Variants in C10orf143 observed in about 807,000 individuals in gnomAD.
C10orf143 encodes the protein chromosome 10 open reading frame 143.
intron 3 of C10orf143, among the ~76,000 whole-genome samples, chr10:130,043,889 G>C (rs79915415): frequency 0.058 from 8,775 of 152,292 alleles, 620 homozygotes; most frequent in East Asian, 0.22. Context: ...AGCTCGTCAT[G>C]ATGGGAGGCT....
intron 3 of C10orf143, among the ~76,000 whole-genome samples, chr10:130,052,237 G>A (rs1002073459): frequency 1.3e-5 from 2 of 151,882 alleles, no homozygotes; most frequent in African/African-American, 2.4e-5. Flanking sequence ...ACGGGAGCCC[G>A]ATGGGGGTCA....
intron 1 of C10orf143, among the ~76,000 whole-genome samples, chr10:130,099,898 C>T (rs1171735): frequency 0.58 from 85,294 of 147,842 alleles, 26,035 homozygotes; most frequent in Admixed American, 0.7. Context: ...AGTGCAGTGA[C>T]GTGATCTTGG....
downstream of C10orf143, among the ~76,000 whole-genome samples, chr10:130,062,885 G>A (rs1860871563): frequency 6.6e-6 from 1 of 152,160 alleles, no homozygotes; most frequent in Non-Finnish European, 1.5e-5. Context: ...CCGAAGGCCT[G>A]CTTTGGGGTG....
chr10:130,084,754 G>A (rs1245951610), intron 1 of C10orf143, among the ~76,000 whole-genome samples: 1 of 152,098 alleles, frequency 6.6e-6, no homozygotes, highest in Admixed American at 6.5e-5. Context: ...CTAGAAATTG[G>A]TTTCGAAATA....
intron 1 of C10orf143, among the ~76,000 whole-genome samples, chr10:130,100,157 A>G (rs2134805323): frequency 6.6e-6 from 1 of 151,920 alleles, no homozygotes; most frequent in Non-Finnish European, 1.5e-5. Flanking sequence ...TTAAACTCTG[A>G]CCCAAACTGT....
Position 130,064,134 on chromosome 10 carries a change from G to C in C10orf143, c.*220C>G. The C allele has an allele frequency of 2.6e-6, 1 of 381,488 alleles. No individual in the cohort carries two copies. Among genetic ancestry groups the C allele is most frequent in the Non-Finnish European group, 4.6e-6 (1 of 216,214 alleles). 23.6% of individuals were successfully genotyped at this position (381,488 alleles called of 1,614,324 possible). Reference sequence around the variant, plus strand: ...GCTGTAGTACGTAGTAAGGATTTGGGGGCTCTTTTGAAGTGATGTGGATTC... The same window carrying C: ...GCTGTAGTACGTAGTAAGGATTTGGCGGCTCTTTTGAAGTGATGTGGATTC... On this transcript the variant is annotated 3_prime_UTR_variant, in exon 4 of 4. Coordinates refer to ENST00000637128, the MANE Select transcript of C10orf143 (RefSeq NM_001355042.2).
At chr10:130,054,215 T>C (rs989200223) in intron 3 of C10orf143, among the ~76,000 whole-genome samples, 1 of 152,198 alleles carries the variant, frequency 6.6e-6, no homozygotes, top group African/African-American at 2.4e-5. Context: ...CATCATTCTA[T>C]TCTGGGCTTC....
At chr10:130,048,908 T>C (rs1860707009) in intron 3 of C10orf143, among the ~76,000 whole-genome samples, 1 of 152,158 alleles carries the variant, frequency 6.6e-6, no homozygotes. Flanking sequence ...TCTCGCTATA[T>C]TGCCCAGGCT....
rs534790551 is a variant in C10orf143, at chr10:130,053,696, A to T, written c.298-17726T>A. ...GCTCCTCGAAAGCCAGGACTTTTGG[A>T]CAAGGGATCCCGAGTACATCTGTCA... On this transcript the variant is annotated intron_variant and NMD_transcript_variant, in intron 3 of 5. Coordinates refer to the C10orf143 transcript ENST00000643056. 3.9e-5 allele frequency among the ~76,000 whole-genome samples: 6 copies of T among 152,338 alleles called. No individual in the cohort carries two copies. In the South Asian group the frequency reaches 1.2e-3, roughly 32 times the overall value.
chr10:130,064,330 C>T lies in C10orf143; in HGVS notation c.*24G>A, dbSNP rs1373937214. ...AAGGGTTCAAAACCAAAACTGGGAC[C>T]TTCTTTTTTCCAGCTTGCATCTTCT... On this transcript the variant is annotated 3_prime_UTR_variant, in exon 4 of 4. Coordinates refer to ENST00000637128, the MANE Select transcript of C10orf143 (RefSeq NM_001355042.2). 2.5e-6 allele frequency: 1 copy of T among 398,394 alleles called. No homozygotes were observed. Among genetic ancestry groups the T allele is most frequent in the Non-Finnish European group, 4.4e-6 (1 of 226,040 alleles). 24.7% of individuals were successfully genotyped at this position (398,394 alleles called of 1,614,324 possible).
intron 1 of C10orf143, among the ~76,000 whole-genome samples, chr10:130,102,293 T>G (rs929236562): frequency 7.2e-5 from 11 of 152,056 alleles, no homozygotes; most frequent in Admixed American, 2.0e-4. Flanking sequence ...TTATTTTTAT[T>G]TTTTTTTGAG....
chr10:130,054,277 T>A (rs1860772316), intron 3 of C10orf143, among the ~76,000 whole-genome samples: 1 of 152,196 alleles, frequency 6.6e-6, no homozygotes, highest in Non-Finnish European at 1.5e-5. Context: ...CACAGTATGT[T>A]TTTTCCTGTG....
intron 1 of C10orf143, among the ~76,000 whole-genome samples, chr10:130,088,843 T>C (rs1006319008): frequency 2.6e-5 from 4 of 152,158 alleles, no homozygotes; most frequent in African/African-American, 9.7e-5. Context: ...CTTGTACTCT[T>C]AGGAGGTTTC....
At chr10:130,038,490 G>A (rs560802769) in intron 3 of C10orf143, among the ~76,000 whole-genome samples, 3 of 152,264 alleles carry the variant, frequency 2.0e-5, no homozygotes, top group East Asian at 1.9e-4. Flanking sequence ...AGGTCTTGAT[G>A]AGCCTGTGTA....
intron 3 of C10orf143, among the ~76,000 whole-genome samples, chr10:130,075,153 C>T (rs530891713): frequency 1.3e-5 from 2 of 152,062 alleles, no homozygotes; most frequent in African/African-American, 2.4e-5. Context: ...ACGTGGGGAG[C>T]GGAGACTCCA....
intron 3 of C10orf143, among the ~76,000 whole-genome samples, chr10:130,054,139 A>T (rs1188012520): frequency 1.3e-5 from 2 of 152,214 alleles, no homozygotes; most frequent in Non-Finnish European, 1.5e-5. Flanking sequence ...TGCATCTGCC[A>T]TAAGTGAAAT....
At chr10:130,053,885 A>T (rs1860767451) in intron 3 of C10orf143, among the ~76,000 whole-genome samples, 1 of 152,172 alleles carries the variant, frequency 6.6e-6, no homozygotes, top group African/African-American at 2.4e-5. Flanking sequence ...CCCCTTAGGG[A>T]CCATGCCTGG....
At chr10:130,049,075 G>A (rs1430035195) in intron 3 of C10orf143, among the ~76,000 whole-genome samples, 2 of 152,124 alleles carry the variant, frequency 1.3e-5, no homozygotes, top group Non-Finnish European at 2.9e-5. Context: ...CTAGGACTCC[G>A]GGGCTCCTTC....
rs527347664 is a variant in C10orf143 at position 130,099,849 on chromosome 10, T to A, written c.69+10855A>T. ...ATTTTTTTTATTTTTTCTTTATTTT[T>A]TTTTTTTTAAGATGGACTCTCACTG... On this transcript the variant is annotated intron_variant, in intron 1 of 3. Coordinates refer to ENST00000637128, the MANE Select transcript of C10orf143 (RefSeq NM_001355042.2). Among the ~76,000 whole-genome samples, 19 of 66,182 alleles carry A rather than the reference T, an allele frequency of 2.9e-4. No homozygotes were observed. In the Admixed American group the frequency reaches 3.3e-3, roughly 11 times the overall value. 43.4% of individuals were successfully genotyped at this position (66,182 alleles called of 152,430 possible). A position where few individuals can be genotyped will look rare whatever the true frequency, so the allele number is the denominator to read the frequency against.
Sources: gnomAD v4.1 joint callset for allele counts (sites outside exome capture counted in the v4.1 genomes callset) on GRCh38, gnomAD v4.1.1 for gene constraint, MANE v1.5 for transcripts, NCBI Gene and HGNC (gene_info 2026-07-23, HGNC 2026-07-21) for gene names.